The following ZFP1 variants were observed in gnomAD, a reference collection of about 807,000 sequenced individuals.
The protein encoded by ZFP1 is zinc finger protein 1 homolog.
A neutral mutation model predicts 38.5 loss-of-function variants in ZFP1; 32 were observed. The observed-to-expected ratio is 0.83, with a 90% CI of 0.63 to 1.12. ZFP1 has a LOEUF of 1.12. ZFP1 is among the 50% of genes most tolerant of loss of function. The probability of loss-of-function intolerance (pLI) is 0.00; values close to 1 mark genes in which losing one functional copy is unlikely to be tolerated. For synonymous variants in ZFP1, 245 were observed against 168.8 expected (o/e 1.45, Z -3.50); for missense variants, 616 against 480.8 (o/e 1.28, Z -2.63).
intron 2 of ZFP1, among the ~76,000 whole-genome samples, chr16:75,159,418 T>G (rs1239375551): frequency 7.1e-6 from 1 of 140,084 alleles, no homozygotes; most frequent in African/African-American, 2.6e-5. Context: ...CATTTTTTTT[T>G]TTTTTTTTTT....
intron 2 of ZFP1, among the ~76,000 whole-genome samples, chr16:75,158,702 G>A (rs999277215): frequency 2.0e-5 from 3 of 149,704 alleles, no homozygotes; most frequent in Non-Finnish European, 3.0e-5. Context: ...TAGTTGTCCT[G>A]TGTGTTCCTA....
At chr16:75,150,297 C>T (rs1409655714) in intron 1 of ZFP1, among the ~76,000 whole-genome samples, 2 of 150,342 alleles carry the variant, frequency 1.3e-5, no homozygotes, top group Non-Finnish European at 2.9e-5. Flanking sequence ...CAAGCTCCGC[C>T]TACCAGGTTC....
the ZFP1 span, among the ~76,000 whole-genome samples, chr16:75,142,060 A>T: frequency 7.4e-6 from 1 of 135,000 alleles, no homozygotes; most frequent in Admixed American, 7.0e-5. Context: ...TCTCAAAGAA[A>T]AAAAAAAAAA....
chr16:75,169,297 C>G lies in ZFP1; in HGVS notation c.187C>G (p.Pro63Ala), dbSNP rs2038283509. 1 of 1,613,762 alleles carries G rather than the reference C, an allele frequency of 6.2e-7. No individual in the cohort carries two copies. Among genetic ancestry groups the G allele is most frequent in the Non-Finnish European group, 8.5e-7 (1 of 1,179,918 alleles). ...CCAGATGGAGAGAGACCACAGAAAC[C>G]CAGACGAGCAGGCGAGGCAATTTTT... ...DDQMERDHRN[P>A]DEQARQFLIL... Residue 63 changes from proline to alanine, a missense_variant, in exon 4 of 4, where the codon CCA (proline) becomes GCA (alanine). Coordinates refer to ENST00000570010, the MANE Select transcript of ZFP1 (RefSeq NM_153688.4).
chr16:75,132,107 G>A, the ZFP1 span, among the ~76,000 whole-genome samples: 1 of 152,106 alleles, frequency 6.6e-6, no homozygotes, highest in Non-Finnish European at 1.5e-5. Context: ...AACTGGGTAA[G>A]CCAGGCATGG....
intron 2 of ZFP1, among the ~76,000 whole-genome samples, chr16:75,160,919 C>T (rs529437094): frequency 6.6e-6 from 1 of 152,256 alleles, no homozygotes; most frequent in East Asian, 1.9e-4. Flanking sequence ...GATCCAATCA[C>T]CTCTCAAAGG....
chr16:75,151,146 A>G (rs1258431271), intron 1 of ZFP1, among the ~76,000 whole-genome samples: 2 of 150,820 alleles, frequency 1.3e-5, no homozygotes, highest in South Asian at 2.1e-4. Flanking sequence ...GGCATGAGCT[A>G]CTGTGCCTGA....
upstream of ZFP1, among the ~76,000 whole-genome samples, chr16:75,147,891 C>G (rs2036974910): frequency 1.3e-5 from 2 of 152,126 alleles, no homozygotes; most frequent in African/African-American, 4.8e-5. Context: ...TTGAAATTTG[C>G]TAAGAAGATA....
chr16:75,131,822 G>A, the ZFP1 span, among the ~76,000 whole-genome samples: 64 of 151,894 alleles, frequency 4.2e-4, no homozygotes, highest in Admixed American at 7.9e-4. Flanking sequence ...AAAACTAGCC[G>A]TGTGCAGGGG....
chr16:75,135,755 C>CT, the ZFP1 span, among the ~76,000 whole-genome samples: 48,028 of 152,028 alleles, frequency 0.32, 7,794 homozygotes, highest in Non-Finnish European at 0.34. Context: ...ACCTATAGAA[C>CT]TTTACCACAC....
chr16:75,122,142 C>T, the ZFP1 span, among the ~76,000 whole-genome samples: 1 of 152,218 alleles, frequency 6.6e-6, no homozygotes, highest in Non-Finnish European at 1.5e-5. Flanking sequence ...GTGCCCCTCG[C>T]AGATGAAACA....
chr16:75,160,367 T>C (rs1051317608), intron 2 of ZFP1, among the ~76,000 whole-genome samples: 1 of 152,084 alleles, frequency 6.6e-6, no homozygotes, highest in African/African-American at 2.4e-5. Context: ...AACCCATCTG[T>C]ACTAAACCCC....
the ZFP1 span, among the ~76,000 whole-genome samples, chr16:75,129,716 T>A: frequency 6.6e-6 from 1 of 152,208 alleles, no homozygotes; most frequent in South Asian, 2.1e-4. Context: ...GTGATCACCT[T>A]GGGCACATGT....
rs376305820 is a variant in ZFP1 at position 75,172,029 on chromosome 16, AAAAC to A, written c.*1703_*1706del. On this transcript the variant is annotated 3_prime_UTR_variant, in exon 4 of 4. Coordinates refer to ENST00000570010, the MANE Select transcript of ZFP1 (RefSeq NM_153688.4). ...ATTGTATTTTTTGGTAAGGACCAAA[AAAAC>A]AAACAAAAAAAAGACCATCAGTAAG... 9 of 152,360 alleles carry A rather than the reference AAAAC, an allele frequency of 5.9e-5. No homozygotes were observed. Among genetic ancestry groups the A allele is most frequent in the South Asian group, 2.1e-4 (1 of 4,824 alleles). 9.4% of individuals were successfully genotyped at this position (152,360 alleles called of 1,614,324 possible). A position where few individuals can be genotyped will look rare whatever the true frequency, so the allele number is the denominator to read the frequency against.
chr16:75,161,774 A>ATATATATATATATAT (rs1555523101), intron 2 of ZFP1, among the ~76,000 whole-genome samples: 1 of 7,820 alleles, frequency 1.3e-4, no homozygotes, highest in African/African-American at 3.9e-4. Flanking sequence ...ATATATATAT[A>ATATATATATATATAT]TTTTTTTTTT....
intron 1 of ZFP1, among the ~76,000 whole-genome samples, chr16:75,150,224 T>G (rs79579506): frequency 1.3e-5 from 2 of 151,232 alleles, no homozygotes; most frequent in Non-Finnish European, 3.0e-5. Flanking sequence ...TTTTTTTTTT[T>G]TTGAGACAGA....
At chr16:75,150,216 T>C (rs1324363426) in intron 1 of ZFP1, among the ~76,000 whole-genome samples, 7 of 150,552 alleles carry the variant, frequency 4.6e-5, no homozygotes, top group African/African-American at 1.2e-4. Flanking sequence ...GATCTTTTTT[T>C]TTTTTTTTTT....
chr16:75,158,055 T>G (rs2037559457), intron 2 of ZFP1, among the ~76,000 whole-genome samples: 1 of 152,078 alleles, frequency 6.6e-6, no homozygotes, highest in South Asian at 2.1e-4. Flanking sequence ...CCCAAAGTTC[T>G]GGGATTACAA....
At chr16:75,143,593 G>C (rs1004942735), upstream of ZFP1, among the ~76,000 whole-genome samples, 1 of 148,996 alleles carries the variant, frequency 6.7e-6, no homozygotes, top group African/African-American at 2.5e-5. Context: ...TTTAAAGTAT[G>C]ATCTACAGAC....
Sources: gnomAD v4.1 joint callset for allele counts (sites outside exome capture counted in the v4.1 genomes callset) on GRCh38, gnomAD v4.1.1 for gene constraint, MANE v1.5 for transcripts, NCBI Gene and HGNC (gene_info 2026-07-23, HGNC 2026-07-21) for gene names.